KAT6A: variants seen among roughly 807,000 people sequenced by gnomAD.
KAT6A encodes the protein histone acetyltransferase KAT6A.
Under a neutral mutation model 198.4 loss-of-function variants are expected in KAT6A, and 9 were observed. The ratio of observed to expected loss-of-function variants is 0.05; its 90% CI spans 0.03 to 0.08. The LOEUF is 0.08. KAT6A is among the 10% of genes least tolerant of loss of function. The probability of loss-of-function intolerance (pLI) is 1.00; values close to 1 mark genes in which losing one functional copy is unlikely to be tolerated. For synonymous variants in KAT6A, 890 were observed against 883.0 expected, an observed-to-expected ratio of 1.01 and a Z score of -0.14; for missense variants, 2,077 against 2,509.9, an observed-to-expected ratio of 0.83 and a Z score of 3.69.
intron 8 of KAT6A, among the ~76,000 whole-genome samples, chr8:41,971,608 C>T (rs976707353): frequency 2.5e-5 from 2 of 78,594 alleles, no homozygotes; most frequent in Admixed American, 1.1e-4. Context: ...AGAGAACAGA[C>T]TCTTTTTTTT....
At chr8:42,033,424 G>T (rs1827224321) in intron 2 of KAT6A, among the ~76,000 whole-genome samples, 1 of 152,152 alleles carries the variant, frequency 6.6e-6, no homozygotes. Flanking sequence ...ATGTTTGCTG[G>T]GAAGGGTGAT....
At chr8:41,980,418 T>G (rs1824291846) in intron 5 of KAT6A, among the ~76,000 whole-genome samples, 2 of 152,344 alleles carry the variant, frequency 1.3e-5, no homozygotes, top group South Asian at 4.1e-4. Flanking sequence ...AAAGGTTTTT[T>G]TTTTAAGTTT....
At chr8:41,964,411 T>C (rs564200356) in intron 8 of KAT6A, among the ~76,000 whole-genome samples, 1 of 152,202 alleles carries the variant, frequency 6.6e-6, no homozygotes, top group South Asian at 2.1e-4. Flanking sequence ...AATACACCTT[T>C]CCAAAACCTA....
chr8:41,973,717 A>T (rs1053854105), intron 8 of KAT6A, among the ~76,000 whole-genome samples: 1 of 151,954 alleles, frequency 6.6e-6, no homozygotes, highest in Non-Finnish European at 1.5e-5. Flanking sequence ...TAATTCCCAC[A>T]ATTAAGCATG....
At chr8:42,028,955 C>A (rs1826975809) in intron 2 of KAT6A, among the ~76,000 whole-genome samples, 1 of 152,186 alleles carries the variant, frequency 6.6e-6, no homozygotes, top group African/African-American at 2.4e-5. Flanking sequence ...AGATTTAGAA[C>A]TCCCTTAAGC....
Position 41,934,450 on chromosome 8 carries a change from C to T in KAT6A, c.3770G>A (p.Ser1257Asn). 2 of 1,607,966 alleles carry T rather than the reference C, an allele frequency of 1.2e-6. No homozygotes were observed. The highest frequency in any genetic ancestry group is 1.7e-6 in the Non-Finnish European group (2 of 1,176,840). ...SEVPAASPAD[S>N]SNSPETETKE... is the part of the protein sequence containing the mutation. ...GGTTTCGGTCTCAGGACTATTGCTG[C>T]TGTCTGCTGGAGAGGCTGCTGGGAC... The change falls in exon 17 of 17, where the codon AGC (serine) becomes AAC (asparagine). Residue 1257 changes from serine to asparagine, a missense_variant. Physicochemically the swap from Ser to Asn is conservative, Grantham distance 46 (BLOSUM62 1). Around this residue, in one of 13 missense-constraint regions of KAT6A, gnomAD observed 375 missense variants for 383.0 expected, o/e 0.98. Coordinates refer to ENST00000265713, the MANE Select transcript of KAT6A (RefSeq NM_006766.5).
At chr8:42,014,947 A>T (rs1826201584) in intron 2 of KAT6A, among the ~76,000 whole-genome samples, 1 of 152,190 alleles carries the variant, frequency 6.6e-6, no homozygotes, top group Non-Finnish European at 1.5e-5. Context: ...GAAAGGATAG[A>T]TTATGGGTTC....
chr8:42,048,307 T>G, intron 2 of KAT6A, 71 bp downstream of exon 2: 1 of 1,533,636 alleles, frequency 6.5e-7, no homozygotes, highest in East Asian at 2.3e-5. Flanking sequence ...GAATATAACT[T>G]CCCAGAAATG....
chr8:41,950,938 GA>G (rs1050909784), intron 9 of KAT6A, among the ~76,000 whole-genome samples: 9 of 152,096 alleles, frequency 5.9e-5, no homozygotes, highest in African/African-American at 1.9e-4. Flanking sequence ...ACAGAAGGGA[GA>G]GGGGAGAGAG....
At chr8:41,968,833 T>C (rs1054093572) in intron 8 of KAT6A, among the ~76,000 whole-genome samples, 2 of 152,176 alleles carry the variant, frequency 1.3e-5, no homozygotes, top group Admixed American at 6.5e-5. Context: ...CATGGAAGTG[T>C]ATGTTGTATA....
At chr8:42,044,150 G>A (rs979804982) in intron 2 of KAT6A, among the ~76,000 whole-genome samples, 1 of 148,156 alleles carries the variant, frequency 6.7e-6, no homozygotes, top group Non-Finnish European at 1.5e-5. Flanking sequence ...GCCCAGGCTG[G>A]AGTGCAGTGG....
intron 5 of KAT6A, among the ~76,000 whole-genome samples, chr8:41,979,502 T>G (rs1312379890): frequency 6.6e-6 from 1 of 150,388 alleles, no homozygotes; most frequent in Non-Finnish European, 1.5e-5. Context: ...AAGCCAGGCA[T>G]GGTGGCTCAC....
At chr8:41,989,033 T>C (rs1175872381) in intron 2 of KAT6A, among the ~76,000 whole-genome samples, 1 of 152,096 alleles carries the variant, frequency 6.6e-6, no homozygotes, top group Non-Finnish European at 1.5e-5. Context: ...ACTATAGTAA[T>C]AGAAAACAGG....
chr8:41,938,337 C>CT (rs1300525281), intron 15 of KAT6A, among the ~76,000 whole-genome samples: 2 of 152,078 alleles, frequency 1.3e-5, no homozygotes, highest in African/African-American at 2.4e-5. Flanking sequence ...TGTTCTTTTT[C>CT]TTTTTTTAAC....
intron 13 of KAT6A, 119 bp downstream of exon 13, chr8:41,943,629 T>G: frequency 1.5e-6 from 1 of 659,252 alleles, no homozygotes; most frequent in Non-Finnish European, 2.7e-6. Context: ...GATATCTCAT[T>G]ATCACCAAGT....
intron 16 of KAT6A, among the ~76,000 whole-genome samples, chr8:41,936,746 A>G (rs545363949): frequency 1.3e-4 from 20 of 152,352 alleles, no homozygotes; most frequent in Admixed American, 1.2e-3. Context: ...ACAATTCAGG[A>G]AAGACTCCTG....
chr8:41,959,200 A>G (rs1249218085), intron 8 of KAT6A, among the ~76,000 whole-genome samples: 3 of 150,696 alleles, frequency 2.0e-5, no homozygotes, highest in East Asian at 1.9e-4. Context: ...GTTTCTTTCC[A>G]TTCTCCAAAG....
At chr8:41,981,297 G>A (rs868171725) in intron 4 of KAT6A, among the ~76,000 whole-genome samples, 10 of 152,170 alleles carry the variant, frequency 6.6e-5, no homozygotes, top group East Asian at 1.9e-4. Context: ...CAGCCTGGGC[G>A]ACAGAGTGAG....
chr8:41,961,422 G>A (rs983539284), intron 8 of KAT6A, among the ~76,000 whole-genome samples: 15 of 152,138 alleles, frequency 9.9e-5, no homozygotes, highest in African/African-American at 3.4e-4. Flanking sequence ...CATTCCATCA[G>A]CATACAAACA....
Sources: gnomAD v4.1 joint callset for allele counts (sites outside exome capture counted in the v4.1 genomes callset) on GRCh38, gnomAD v4.1.1 for gene constraint, gnomAD v4.1.1 regional missense constraint, MANE v1.5 for transcripts, NCBI Gene and HGNC (gene_info 2026-07-23, HGNC 2026-07-21) for gene names.